The following ASTE1 variants were observed in gnomAD, a reference collection of about 807,000 sequenced individuals.
ASTE1 encodes the protein single-strand DNA endonuclease ASTE1.
Under a neutral mutation model 45.8 loss-of-function variants are expected in ASTE1, and 49 were observed. The observed-to-expected ratio is 1.07, with a 90% CI of 0.85 to 1.36. The LOEUF (loss-of-function observed/expected upper bound fraction) is 1.36, where lower values mean the gene tolerates loss of function less well. Among genes scored for constraint, ASTE1 ranks in the 40% most tolerant of loss-of-function variants. The pLI is 0.00. For synonymous variants in ASTE1, 296 were observed against 303.9 expected (o/e 0.97, Z 0.27); for missense variants, 709 against 804.0 (o/e 0.88, Z 1.43).
At chr3:131,014,501 C>G in intron 5 of ASTE1, 114 bp from the exon 6 acceptor site, 1 of 960,178 alleles carries the variant, frequency 1.0e-6, no homozygotes, top group Non-Finnish European at 1.5e-6. Flanking sequence ...TCTTATTGCT[C>G]TATAATATTA....
In ASTE1 at chr3:131,025,495, G is replaced by T; in HGVS notation, c.-47C>A. 1 of 973,346 alleles carries T rather than the reference G, an allele frequency of 1.0e-6. No individual in the cohort carries two copies. The highest frequency in any genetic ancestry group is 1.4e-6 in the Non-Finnish European group (1 of 704,310). The allele number at this position is 973,346 out of a possible 1,614,324, so 60.3% of individuals were successfully genotyped here. ...TTACCTAGATCCTCAAGCAATGTTA[G>T]CTGTGCTTTTTCATTCTCCTTTGCT... On this transcript the variant is annotated 5_prime_UTR_variant, in exon 2 of 6. Coordinates refer to ENST00000264992, the MANE Select transcript of ASTE1 (RefSeq NM_014065.4).
rs1177136551 is a variant in ASTE1 at position 131,015,223 on chromosome 3, T to C, written c.1710-836A>G. The C allele has an allele frequency of 3.3e-5, 23 of 702,302 alleles. No homozygotes were observed. In the East Asian group the frequency reaches 5.6e-4, roughly 17 times the overall value. The allele number at this position is 702,302 out of a possible 1,614,324, so 43.5% of individuals were successfully genotyped here. A position where few individuals can be genotyped will look rare whatever the true frequency, so the allele number is the denominator to read the frequency against. Reference sequence around the variant, plus strand: ...TCCCACCATATTTTGTATGCGTCCATATATCCTCATTCAAAGTATTGAAGG... The same window carrying C: ...TCCCACCATATTTTGTATGCGTCCACATATCCTCATTCAAAGTATTGAAGG... On this transcript the variant is annotated intron_variant, in intron 5 of 5. Transcript: ENST00000264992.
chr3:131,023,601 T>C (rs1405430361), intron 3 of ASTE1, among the ~76,000 whole-genome samples: 2 of 152,216 alleles, frequency 1.3e-5, no homozygotes, highest in Non-Finnish European at 2.9e-5. Flanking sequence ...TCCGATGTAG[T>C]CTGAGATGTT....
rs767256834 is a variant in ASTE1 at position 131,024,444 on chromosome 3, AC to A, written c.862del (p.Val288LeufsTer17). 6.2e-7 allele frequency: 1 copy of A among 1,614,206 alleles called. No homozygotes were observed. The highest frequency in any genetic ancestry group is 1.1e-5 in the South Asian group (1 of 91,086). On this transcript the variant is annotated frameshift_variant, in exon 3 of 6. Transcript: ENST00000264992. LOFTEE classifies it high-confidence loss of function. The part of the protein sequence containing the change: ...KYLPKKDREN[V>X]KELLCCSMEE... ...CATGGAACAGCAGAGAAGTTCCTTA[AC>A]ATTTTCTCGATCCTTTTTTGGGAGG...
chr3:131,022,610 A>G (rs897062012), intron 3 of ASTE1, among the ~76,000 whole-genome samples: 1 of 151,994 alleles, frequency 6.6e-6, no homozygotes, highest in Non-Finnish European at 1.5e-5. Flanking sequence ...GGCATGAGCC[A>G]TCTTGCCTTG....
chr3:131,024,959 G>A lies in ASTE1; in HGVS notation c.348C>T (p.Pro116=). The stretch of plus-strand genomic sequence containing the variant: ...GTATGAATACTTCCCGGATGAGTAA[G>A]GGACATACGTACCCACTCCCACCAA... The part of the protein sequence containing the change: ...LSVGGSGYVC[P]LLIREVFIQV... Residue 116 remains proline (P), a synonymous_variant, in exon 3 of 6, where the codon CCC becomes CCT. Transcript: ENST00000264992. 1 of 1,610,946 alleles carries A rather than the reference G, an allele frequency of 6.2e-7. No homozygotes were observed. The highest frequency in any genetic ancestry group is 8.5e-7 in the Non-Finnish European group (1 of 1,178,192).
intron 3 of ASTE1, among the ~76,000 whole-genome samples, chr3:131,021,605 T>G (rs894483600): frequency 1.3e-5 from 2 of 152,234 alleles, no homozygotes; most frequent in African/African-American, 4.8e-5. Context: ...GGATCTTCTT[T>G]GCATGGATGT....
Position 131,014,295 on chromosome 3 carries a change from T to A in ASTE1, c.1802A>T (p.Lys601Met). 1 of 1,614,140 alleles carries A rather than the reference T, an allele frequency of 6.2e-7. No individual in the cohort carries two copies. Among genetic ancestry groups the A allele is most frequent in the Non-Finnish European group, 8.5e-7 (1 of 1,180,018 alleles). Residue 601 changes from lysine (K) to methionine (M), a missense_variant, in exon 6 of 6, where the codon AAG becomes ATG. Transcript: ENST00000264992. ...ATTGAATAGATATTCATAAAGTTGC[T>A]TAGCCTCAGGACATATGCTCAGGAG... ...ESLLSICPEA[K>M]QLYEYLFNAT...
chr3:131,024,301 C>T lies in ASTE1; in HGVS notation c.1006G>A (p.Gly336Ser). 6.2e-7 allele frequency: 1 copy of T among 1,614,218 alleles called. No individual in the cohort carries two copies. The highest frequency in any genetic ancestry group is 2.2e-5 in the East Asian group (1 of 44,874). ...PEWVLVALAK[G>S]QLSPFISDAL... ...TCACTGATGAAAGGAGATAGCTGGC[C>T]TTTAGCTAAAGCCACTAATACCCAT... Residue 336 changes from glycine (G) to serine (S), a missense_variant, in exon 3 of 6, where the codon GGC (glycine) becomes AGC (serine). Coordinates refer to ENST00000264992, the MANE Select transcript of ASTE1 (RefSeq NM_014065.4).
chr3:131,015,812 G>A (rs533532792), intron 5 of ASTE1, among the ~76,000 whole-genome samples: 55 of 152,182 alleles, frequency 3.6e-4, no homozygotes, highest in African/African-American at 1.3e-3. Flanking sequence ...TCTACAAAGT[G>A]ACATTTAAAG....
Position 131,024,625 on chromosome 3 carries a change from T to C in ASTE1, c.682A>G (p.Asn228Asp). 6.2e-7 allele frequency: 1 copy of C among 1,604,298 alleles called. No individual in the cohort carries two copies. The highest frequency in any genetic ancestry group is 8.5e-7 in the Non-Finnish European group (1 of 1,174,784). Residue 228 changes from asparagine (N) to aspartate (D), a missense_variant, in exon 3 of 6, where the codon AAT (asparagine) becomes GAT (aspartate). Coordinates refer to ENST00000264992, the MANE Select transcript of ASTE1 (RefSeq NM_014065.4). ...FAVLCGNDHV[N>D]LPIMETFLSK... The stretch of plus-strand genomic sequence containing the variant: ...AAGAATGTCTCCATGATGGGTAGAT[T>C]AACATGGTCATTTCCACATAGCACC...
chr3:131,017,386 A>G (rs1426163706), intron 4 of ASTE1, among the ~76,000 whole-genome samples: 1 of 152,228 alleles, frequency 6.6e-6, no homozygotes, highest in Non-Finnish European at 1.5e-5. Context: ...GCTGTCCAAT[A>G]CAGTAGGCTA....
chr3:131,024,562 T>A lies in ASTE1; in HGVS notation c.745A>T (p.Lys249Ter). ...AGGATTCGGTGGTGTCTCCTCCCTT[T>A]AGAACTGGTAGCTCCAAGAGGAAGA... is the stretch of plus-strand genomic sequence containing the variant. ...ARLPLGATSS[K>*]GRRHHRILGL... The change falls in exon 3 of 6, where the codon AAA (lysine) becomes TAA (stop). Residue 249 changes from lysine (K) to a stop codon, truncating the protein, a stop_gained. Transcript: ENST00000264992. LOFTEE classifies it high-confidence loss of function. 6.2e-7 allele frequency: 1 copy of A among 1,613,934 alleles called. No homozygotes were observed. The highest frequency in any genetic ancestry group is 8.5e-7 in the Non-Finnish European group (1 of 1,179,936).
chr3:131,016,337 T>C lies in ASTE1; in HGVS notation c.1516A>G (p.Lys506Glu). The C allele has an allele frequency of 6.2e-7, 1 of 1,614,170 alleles. No individual in the cohort carries two copies. Among genetic ancestry groups the C allele is most frequent in the East Asian group, 2.2e-5 (1 of 44,888 alleles). The stretch of plus-strand genomic sequence containing the variant: ...GCACCATCTTCCTGCAGCTCTTCCT[T>C]ACCTAAATAAAGAAACAGCCCAAGG... ...PLIAIINSPG[K>E]EELQEDGAKM... is the part of the protein sequence containing the mutation. Residue 506 changes from lysine to glutamate, a missense_variant and splice_region_variant, in exon 5 of 6, where the codon AAG becomes GAG. Lys to Glu is a moderately conservative substitution (Grantham distance 56). Coordinates refer to ENST00000264992, the MANE Select transcript of ASTE1 (RefSeq NM_014065.4).
At position 131,013,990 on chromosome 3, in the gene ASTE1, G is replaced by C; in HGVS notation, c.*67C>G. On this transcript the variant is annotated 3_prime_UTR_variant, in exon 6 of 6. Transcript: ENST00000264992. Reference sequence around the variant, plus strand: ...CTAAAGAAAAAGCTAATTGTTTCAAGGGTGGTAACGGAAGAATTTTAAGTA... The same window carrying C: ...CTAAAGAAAAAGCTAATTGTTTCAACGGTGGTAACGGAAGAATTTTAAGTA... 8.6e-7 allele frequency: 1 copy of C among 1,168,320 alleles called. No individual in the cohort carries two copies. The highest frequency in any genetic ancestry group is 2.4e-5 in the East Asian group (1 of 42,038). 72.4% of individuals were successfully genotyped at this position (1,168,320 alleles called of 1,614,324 possible).
chr3:131,020,989 A>G (rs757659447), intron 3 of ASTE1, among the ~76,000 whole-genome samples: 2 of 152,182 alleles, frequency 1.3e-5, no homozygotes, highest in Non-Finnish European at 2.9e-5. Context: ...CCCACAAAAA[A>G]CCAATTCTAG....
In ASTE1 at chr3:131,024,791, A is replaced by G; in HGVS notation, c.516T>C (p.Phe172=). ...TCCACTGAAAGCTATTCAATGGGCA[A>G]AACCCAGTTTTCAGGTCAAAAATGC... ...DFCIFDLKTG[F]CPLNSFQWRN... is the part of the protein sequence containing the mutation. The change falls in exon 3 of 6, where the codon TTT becomes TTC. Residue 172 remains phenylalanine (F), a synonymous_variant. Coordinates refer to ENST00000264992, the MANE Select transcript of ASTE1 (RefSeq NM_014065.4). The G allele has an allele frequency of 6.2e-7, 1 of 1,614,168 alleles. No homozygotes were observed.
intron 4 of ASTE1, among the ~76,000 whole-genome samples, chr3:131,017,546 G>A (rs917576574): frequency 1.4e-4 from 21 of 152,268 alleles, no homozygotes; most frequent in African/African-American, 4.8e-4. Flanking sequence ...TAATTATTAT[G>A]CATGTTTATA....
rs746318847 is a variant in ASTE1, at chr3:131,016,313, C to T, written c.1540G>A (p.Ala514Thr). 14 of 1,614,074 alleles carry T rather than the reference C, an allele frequency of 8.7e-6. No individual in the cohort carries two copies. The African/African-American group carries it at 1.2e-4, about 14-fold the overall frequency. Residue 514 changes from alanine (A) to threonine (T), a missense_variant, in exon 5 of 6, where the codon GCT becomes ACT. By Grantham distance (58) the Ala-to-Thr change is moderately conservative. Coordinates refer to ENST00000264992, the MANE Select transcript of ASTE1 (RefSeq NM_014065.4). The part of the protein sequence containing the change: ...PGKEELQEDG[A>T]KMLYAEFQRV... ...TGGAACTCTGCATACAACATCTTAG[C>T]ACCATCTTCCTGCAGCTCTTCCTTA...
Sources: gnomAD v4.1 joint callset for allele counts (sites outside exome capture counted in the v4.1 genomes callset) on GRCh38, gnomAD v4.1.1 for gene constraint, MANE v1.5 for transcripts, NCBI Gene and HGNC (gene_info 2026-07-23, HGNC 2026-07-21) for gene names.